WDFY4: variants seen among roughly 807,000 people sequenced by gnomAD.
The protein encoded by WDFY4 is WD repeat- and FYVE domain-containing protein 4.
In WDFY4, 169 loss-of-function variants were observed where a neutral mutation model predicts 351.9. That is an observed-to-expected ratio of 0.48 (90% CI 0.42 to 0.55). The LOEUF is 0.55. Ranked by LOEUF, WDFY4 falls within the 20% of genes least tolerant of loss-of-function variation. The pLI, the probability that WDFY4 is intolerant of heterozygous loss-of-function variation, is 0.00. For missense variants in WDFY4, 3,803 were observed against 3,935.6 expected (o/e 0.97, Z 0.90); for synonymous variants, 1,622 against 1,574.6 (o/e 1.03, Z -0.71).
intron 57 of WDFY4, among the ~76,000 whole-genome samples, chr10:48,971,031 G>A (rs939101186): frequency 6.6e-6 from 1 of 152,156 alleles, no homozygotes; most frequent in Admixed American, 6.5e-5. Context: ...AGGAAACTGA[G>A]GCTCAGAACA....
chr10:48,708,131 T>C (rs980653424), intron 1 of WDFY4, among the ~76,000 whole-genome samples: 1 of 152,198 alleles, frequency 6.6e-6, no homozygotes, highest in East Asian at 1.9e-4. Context: ...ATTTTTTGTT[T>C]CCTCCCAGTT....
chr10:48,814,034 A>G lies in WDFY4; in HGVS notation c.5292A>G (p.Thr1764=). The G allele has an allele frequency of 6.4e-7, 1 of 1,550,644 alleles. No homozygotes were observed. Among genetic ancestry groups the G allele is most frequent in the Non-Finnish European group, 8.7e-7 (1 of 1,146,284 alleles). ...QEEVLQAGLC[T]EGALLLLEML... Reference sequence around the variant, plus strand: ...AAGTCCTCCAGGCTGGGCTGTGCACAGAAGGTGCCTTGCTCCTCCTGGAAA... The same window carrying G: ...AAGTCCTCCAGGCTGGGCTGTGCACGGAAGGTGCCTTGCTCCTCCTGGAAA... Residue 1764 remains threonine (T), a synonymous_variant, in exon 31 of 62, where the codon ACA becomes ACG. Transcript: ENST00000325239.
chr10:48,705,970 T>C (rs1297881412), intron 1 of WDFY4, among the ~76,000 whole-genome samples: 2 of 152,188 alleles, frequency 1.3e-5, no homozygotes, highest in African/African-American at 4.8e-5. Flanking sequence ...GAACTTTATA[T>C]GGTAGAGACA....
At chr10:48,932,645 TA>T (rs5784783) in intron 47 of WDFY4, 28,800 of 96,480 alleles carry the variant, frequency 0.3, 2,928 homozygotes, top group Non-Finnish European at 0.33. Flanking sequence ...AGAGAGCAAA[TA>T]AAAAAAAAAA....
At chr10:48,697,271 C>T (rs2063355319) in intron 1 of WDFY4, among the ~76,000 whole-genome samples, 1 of 152,252 alleles carries the variant, frequency 6.6e-6, no homozygotes, top group African/African-American at 2.4e-5. Context: ...GCTCCCAGCT[C>T]CCTTCCCGAC....
intron 24 of WDFY4, chr10:48,802,777 C>G: frequency 6.4e-6 from 3 of 471,756 alleles, no homozygotes; most frequent in South Asian, 3.1e-5. Flanking sequence ...GTGTTGCCTG[C>G]GCAAATTGGG....
chr10:48,810,879 C>A, intron 29 of WDFY4, 144 bp downstream of exon 29: 1 of 821,430 alleles, frequency 1.2e-6, no homozygotes, highest in Non-Finnish European at 1.8e-6. Flanking sequence ...AGGCCTACAT[C>A]CAAATGAGCC....
At chr10:48,752,382 A>T (rs992053548) in intron 12 of WDFY4, among the ~76,000 whole-genome samples, 14 of 152,266 alleles carry the variant, frequency 9.2e-5, no homozygotes, top group Non-Finnish European at 1.8e-4. Context: ...AAAAAATCTT[A>T]GCTTTTTTCA....
intron 12 of WDFY4, among the ~76,000 whole-genome samples, chr10:48,749,047 C>T (rs2065099388): frequency 6.6e-6 from 1 of 152,166 alleles, no homozygotes; most frequent in African/African-American, 2.4e-5. Context: ...ATAATAGTAT[C>T]TACATTGAGG....
intron 32 of WDFY4, 46 bp from the exon 33 acceptor site, chr10:48,820,188 T>C (rs994546733): frequency 1.3e-6 from 2 of 1,545,602 alleles, no homozygotes; most frequent in African/African-American, 2.7e-5. Flanking sequence ...GGGAAAGAGC[T>C]TGAGGCAGGG....
chr10:48,981,191 C>T (rs908965018), intron 60 of WDFY4, among the ~76,000 whole-genome samples, 176 bp from the exon 61 acceptor site: 5 of 152,232 alleles, frequency 3.3e-5, no homozygotes, highest in African/African-American at 9.6e-5. Flanking sequence ...TAAATTGGGA[C>T]GGCCCTTTTT....
In WDFY4 at chr10:48,875,085, T is replaced by C. The variant is rs1164667569; in HGVS notation, c.6949-4T>C. 6.7e-7 allele frequency: 1 copy of C among 1,482,380 alleles called. No individual in the cohort carries two copies. 91.8% of individuals were successfully genotyped at this position (1,482,380 alleles called of 1,614,324 possible). ...AATTTTTCTTTTCAATGTCCTTATT[T>C]CAGGAAAGCCAAGACAAAAATGATC... On this transcript the variant is annotated splice_polypyrimidine_tract_variant and splice_region_variant and intron_variant, in intron 41 of 61. Transcript: ENST00000325239.
rs1192138531 is a variant in WDFY4 at position 48,822,316 on chromosome 10, T to A, written c.5825-64T>A. ...ATGCAGTTGGTCACTACAGGGGGCT[T>A]GGAGATTGTCATGGACAGAAGTCCA... On this transcript the variant is annotated intron_variant, in intron 34 of 61. Coordinates refer to ENST00000325239, the MANE Select transcript of WDFY4 (RefSeq NM_001394531.1). The A allele has an allele frequency of 2.7e-6, 4 of 1,454,778 alleles. No homozygotes were observed. In the African/African-American group the frequency reaches 5.6e-5, roughly 20 times the overall value. 90.1% of individuals were successfully genotyped at this position (1,454,778 alleles called of 1,614,324 possible).
At chr10:48,930,215 T>C (rs1839910099) in intron 47 of WDFY4, among the ~76,000 whole-genome samples, 1 of 152,128 alleles carries the variant, frequency 6.6e-6, no homozygotes, top group Non-Finnish European at 1.5e-5. Context: ...TAGCTGAGAG[T>C]CAGCTGCTAC....
At chr10:48,891,303 C>T (rs1237427308) in intron 44 of WDFY4, among the ~76,000 whole-genome samples, 1 of 152,186 alleles carries the variant, frequency 6.6e-6, no homozygotes, top group Non-Finnish European at 1.5e-5. Context: ...GTCATTTTTA[C>T]ACAAGCAAAT....
At chr10:48,862,566 C>T (rs551687776) in intron 39 of WDFY4, among the ~76,000 whole-genome samples, 1 of 152,260 alleles carries the variant, frequency 6.6e-6, no homozygotes, top group African/African-American at 2.4e-5. Flanking sequence ...AAAGAAACAG[C>T]TCAAGGTTGT....
At chr10:48,881,926 C>T (rs1302185397) in intron 43 of WDFY4, among the ~76,000 whole-genome samples, 1 of 152,212 alleles carries the variant, frequency 6.6e-6, no homozygotes, top group Admixed American at 6.5e-5. Flanking sequence ...CCTGGGCCTA[C>T]CCCAGCCCCC....
At chr10:48,798,361 T>C (rs2132811688) in intron 24 of WDFY4, among the ~76,000 whole-genome samples, 1 of 151,882 alleles carries the variant, frequency 6.6e-6, no homozygotes, top group Middle Eastern at 3.4e-3. Flanking sequence ...CAATTACTGT[T>C]TCTCCTAAAA....
At chr10:48,860,248 G>A (rs916028281) in intron 39 of WDFY4, among the ~76,000 whole-genome samples, 7 of 152,088 alleles carry the variant, frequency 4.6e-5, no homozygotes, top group African/African-American at 1.7e-4. Context: ...TCCTTGAGTA[G>A]GAATTTAGAT....
Sources: allele counts gnomAD v4.1 joint callset (sites outside exome capture counted in the v4.1 genomes callset), GRCh38; gene constraint gnomAD v4.1.1; transcripts MANE v1.5; gene names NCBI Gene and HGNC (gene_info 2026-07-23, HGNC 2026-07-21).